Variants in EVI5 observed in about 807,000 individuals in gnomAD.
EVI5 encodes the protein ecotropic viral integration site 5, also known as ecotropic viral integration site 5 protein homolog.
Under a neutral mutation model 112.0 loss-of-function variants are expected in EVI5, and 73 were observed. The observed-to-expected ratio is 0.65, with a 90% CI of 0.54 to 0.79. The LOEUF is 0.79. Ranked by LOEUF, EVI5 falls within the 30% of genes least tolerant of loss-of-function variation. The pLI, the probability that EVI5 is intolerant of heterozygous loss-of-function variation, is 0.00. For missense variants in EVI5, 900 were observed against 968.8 expected, an observed-to-expected ratio of 0.93 and a Z score of 0.94; for synonymous variants, 305 against 319.9, an observed-to-expected ratio of 0.95 and a Z score of 0.50.
chr1:92,614,034 G>T (rs1194813168), intron 16 of EVI5, among the ~76,000 whole-genome samples: 2 of 152,146 alleles, frequency 1.3e-5, no homozygotes, highest in African/African-American at 4.8e-5. Flanking sequence ...AAATTCCTCT[G>T]GCAAACAGCT....
chr1:92,735,514 T>A (rs967412074), intron 2 of EVI5, among the ~76,000 whole-genome samples: 52 of 150,932 alleles, frequency 3.4e-4, no homozygotes, highest in African/African-American at 1.2e-3. Context: ...AAGTTATTTT[T>A]GTTATGATTT....
At chr1:92,746,038 T>C (rs763513619) in intron 1 of EVI5, among the ~76,000 whole-genome samples, 4 of 152,260 alleles carry the variant, frequency 2.6e-5, no homozygotes, top group Non-Finnish European at 5.9e-5. Context: ...ACTTACGTAA[T>C]AAATAGCTGA....
chr1:92,731,839 A>G (rs982233485), intron 2 of EVI5, among the ~76,000 whole-genome samples: 2 of 152,242 alleles, frequency 1.3e-5, no homozygotes, highest in East Asian at 1.9e-4. Flanking sequence ...TTAGATGTCC[A>G]TATTCAAAAA....
At chr1:92,755,729 C>A (rs944525553) in intron 1 of EVI5, 2 of 152,088 alleles carry the variant, frequency 1.3e-5, no homozygotes, top group African/African-American at 4.8e-5. Flanking sequence ...CCAGTGGGGC[C>A]GACGCCAAGG....
At chr1:92,784,618 GAGA>G (rs1685363643) in intron 1 of EVI5, 1 of 305,564 alleles carries the variant, frequency 3.3e-6, no homozygotes, top group African/African-American at 2.3e-5. Context: ...CAGCGCCCAC[GAGA>G]AGGAGGGCTG....
At chr1:92,594,243 G>A (rs1477153405) in intron 18 of EVI5, among the ~76,000 whole-genome samples, 2 of 152,064 alleles carry the variant, frequency 1.3e-5, no homozygotes, top group Non-Finnish European at 2.9e-5. Context: ...ACAGAACAGA[G>A]CCCTCAGAAA....
chr1:92,690,620 G>T (rs1368805757), intron 9 of EVI5, among the ~76,000 whole-genome samples: 2 of 152,162 alleles, frequency 1.3e-5, no homozygotes, highest in African/African-American at 4.8e-5. Flanking sequence ...AAAGTACTGG[G>T]ATTATAGGTG....
chr1:92,540,990 C>T lies in EVI5; in HGVS notation c.2166+22652G>A, dbSNP rs531815696. On this transcript the variant is annotated intron_variant, in intron 19 of 19. Transcript: ENST00000684568. ...TTGGGAGCCTGAGGCAGGAGAATTG[C>T]TTGGCCCCGGGAGGCGGAGGTTGCA... is the stretch of plus-strand genomic sequence containing the variant. Among the ~76,000 whole-genome samples the T allele has an allele frequency of 3.0e-4, 45 of 152,270 alleles. 1 individual carries two copies. In the South Asian group the frequency reaches 9.1e-3, roughly 31 times the overall value.
At chr1:92,727,008 C>T (rs910441253) in intron 2 of EVI5, among the ~76,000 whole-genome samples, 3 of 151,944 alleles carry the variant, frequency 2.0e-5, no homozygotes, top group Non-Finnish European at 2.9e-5. Flanking sequence ...CAATATAAGA[C>T]AAGTTTAAAT....
At chr1:92,519,896 TAAAAAAAAA>T (rs371959112) in intron 19 of EVI5, among the ~76,000 whole-genome samples, 1 of 119,060 alleles carries the variant, frequency 8.4e-6, no homozygotes, top group Non-Finnish European at 1.8e-5. Flanking sequence ...ACTCTGTCTT[TAAAAAAAAA>T]AAAAAAAAAA....
At chr1:92,724,958 G>A (rs1365620923) in intron 2 of EVI5, among the ~76,000 whole-genome samples, 1 of 152,104 alleles carries the variant, frequency 6.6e-6, no homozygotes, top group Non-Finnish European at 1.5e-5. Context: ...ATAACAGGTG[G>A]GGAAAATTGA....
chr1:92,589,964 C>G (rs1018246046), intron 18 of EVI5, among the ~76,000 whole-genome samples: 1 of 152,148 alleles, frequency 6.6e-6, no homozygotes, highest in African/African-American at 2.4e-5. Context: ...CACCAATATC[C>G]GCTGTTCTGC....
At chr1:92,560,977 T>G (rs915151780) in intron 19 of EVI5, among the ~76,000 whole-genome samples, 13 of 152,066 alleles carry the variant, frequency 8.5e-5, no homozygotes, top group Non-Finnish European at 1.5e-4. Context: ...GTCTCCTTTG[T>G]GAGGAAGCAG....
At chr1:92,700,184 G>A (rs1218565607) in intron 5 of EVI5, among the ~76,000 whole-genome samples, 1 of 152,172 alleles carries the variant, frequency 6.6e-6, no homozygotes, top group East Asian at 1.9e-4. Context: ...GCAATGTGCT[G>A]CTACATAACT....
chr1:92,570,743 A>C (rs1047266666), intron 18 of EVI5, among the ~76,000 whole-genome samples: 1 of 152,184 alleles, frequency 6.6e-6, no homozygotes, highest in African/African-American at 2.4e-5. Context: ...AAAATCATTA[A>C]AGTTGTTATA....
At chr1:92,654,919 C>T (rs180847677) in intron 13 of EVI5, among the ~76,000 whole-genome samples, 5 of 151,718 alleles carry the variant, frequency 3.3e-5, no homozygotes, top group East Asian at 3.9e-4. Flanking sequence ...TCCAGTCAGA[C>T]GAAAATAAAG....
At chr1:92,566,241 A>T (rs1271689459) in intron 18 of EVI5, among the ~76,000 whole-genome samples, 1 of 152,192 alleles carries the variant, frequency 6.6e-6, no homozygotes, top group East Asian at 1.9e-4. Flanking sequence ...ATTTGCATAG[A>T]TATAAAAGCC....
chr1:92,641,642 C>T (rs1272863120), intron 13 of EVI5, among the ~76,000 whole-genome samples: 2 of 152,072 alleles, frequency 1.3e-5, no homozygotes, highest in African/African-American at 2.4e-5. Context: ...AAAAGTTATA[C>T]AAGGCAAGTA....
intron 19 of EVI5, among the ~76,000 whole-genome samples, chr1:92,536,884 C>T (rs540133862): frequency 1.3e-5 from 2 of 151,922 alleles, no homozygotes; most frequent in South Asian, 2.1e-4. Context: ...TTTAAAGAGA[C>T]GTAACAAGTT....
Sources: allele counts gnomAD v4.1 joint callset (sites outside exome capture counted in the v4.1 genomes callset), GRCh38; gene constraint gnomAD v4.1.1; transcripts MANE v1.5; gene names NCBI Gene and HGNC (gene_info 2026-07-23, HGNC 2026-07-21).